The following COLEC10 variants were observed in gnomAD, a reference collection of about 807,000 sequenced individuals.
The protein encoded by COLEC10 is collectin subfamily member 10.
A neutral mutation model predicts 28.4 loss-of-function variants in COLEC10; 22 were observed. The ratio of observed to expected loss-of-function variants is 0.78; its 90% CI spans 0.55 to 1.11. The LOEUF is 1.11. Among genes scored for constraint, COLEC10 ranks in the 50% least tolerant of loss-of-function variants. COLEC10 has a pLI of 0.00. For synonymous variants in COLEC10, 125 were observed against 116.1 expected (o/e 1.08, Z -0.49); for missense variants, 361 against 344.1 (o/e 1.05, Z -0.39).
At chr8:119,002,970 A>G (rs76349957) in intron 1 of COLEC10, among the ~76,000 whole-genome samples, 4,525 of 152,222 alleles carry the variant, frequency 0.03, 125 homozygotes, top group East Asian at 0.16. Flanking sequence ...TTACGTAATC[A>G]TATTTAAGTT....
intron 2 of COLEC10, among the ~76,000 whole-genome samples, chr8:119,026,764 A>T (rs1814199591): frequency 6.6e-6 from 1 of 152,234 alleles, no homozygotes; most frequent in Admixed American, 6.5e-5. Flanking sequence ...AACATCCAAC[A>T]AAGCCAATCT....
intron 2 of COLEC10, among the ~76,000 whole-genome samples, chr8:119,021,044 T>A (rs370253124): frequency 6.6e-6 from 1 of 152,286 alleles, no homozygotes; most frequent in African/African-American, 2.4e-5. Flanking sequence ...CAGTTATTAT[T>A]CACTGACACA....
intron 1 of COLEC10, chr8:119,067,681 AG>A (rs11362361): frequency 0.39 from 148,465 of 381,332 alleles, 31,023 homozygotes; most frequent in Non-Finnish European, 0.43. Flanking sequence ...TACCCAGGGC[AG>A]GGGGAAATTC....
rs556399254 is a variant in COLEC10, at chr8:119,009,851, A to T, written n.235+298A>T. 1.8e-3 allele frequency among the ~76,000 whole-genome samples: 220 copies of T among 123,038 alleles called. 15 individuals are homozygous for T. The highest frequency in any genetic ancestry group is 7.1e-3 in the African/African-American group (207 of 29,324). 80.7% of individuals were successfully genotyped at this position (123,038 alleles called of 152,430 possible). A position where few individuals can be genotyped will look rare whatever the true frequency, so the allele number is the denominator to read the frequency against. ...TTGAAAGCTCAGCTCTTTTTTTTAA[A>T]AAAAAATAGACTTTATGTTTTAGAT... On this transcript the variant is annotated intron_variant and non_coding_transcript_variant, in intron 2 of 6. Transcript: ENST00000521788.
At chr8:119,074,649 TC>T (rs1279901483) in intron 1 of COLEC10, among the ~76,000 whole-genome samples, 2 of 152,202 alleles carry the variant, frequency 1.3e-5, no homozygotes, top group Non-Finnish European at 2.9e-5. Context: ...GAAAGACTGC[TC>T]CTTTCTCCTA....
intron 2 of COLEC10, among the ~76,000 whole-genome samples, chr8:119,050,474 A>G (rs1814656497): frequency 6.6e-6 from 1 of 152,244 alleles, no homozygotes; most frequent in African/African-American, 2.4e-5. Flanking sequence ...ATCACCAGAT[A>G]AAGACTATGA....
At chr8:119,002,983 T>C (rs1172268155) in intron 1 of COLEC10, among the ~76,000 whole-genome samples, 1 of 152,170 alleles carries the variant, frequency 6.6e-6, no homozygotes, top group Admixed American at 6.6e-5. Context: ...TTTAAGTTTT[T>C]TCTCCATTGG....
intron 2 of COLEC10, among the ~76,000 whole-genome samples, chr8:119,050,887 A>G (rs142071942): frequency 6.6e-6 from 1 of 152,302 alleles, no homozygotes; most frequent in Non-Finnish European, 1.5e-5. Context: ...TATTTAATTA[A>G]GCCAATTGAT....
intron 1 of COLEC10, among the ~76,000 whole-genome samples, chr8:119,008,424 C>A (rs1813845040): frequency 6.6e-6 from 1 of 150,580 alleles, no homozygotes; most frequent in Admixed American, 6.6e-5. Context: ...TACTATAGAG[C>A]CAGAGAAGGT....
At position 119,102,333 on chromosome 8, in the gene COLEC10, A is replaced by G; in HGVS notation, c.293-15A>G. The G allele has an allele frequency of 7.2e-7, 1 of 1,381,672 alleles. No individual in the cohort carries two copies. The highest frequency in any genetic ancestry group is 9.7e-7 in the Non-Finnish European group (1 of 1,031,420). The allele number at this position is 1,381,672 out of a possible 1,614,324, so 85.6% of individuals were successfully genotyped here. On this transcript the variant is annotated splice_polypyrimidine_tract_variant and intron_variant, in intron 3 of 5. Transcript: ENST00000332843. ...TTAATTTTATTTTATTTTGGTTGCT[A>G]TTGTTTTTTTTCAGGTGACAAAGGG...
At chr8:119,091,061 G>C (rs1031493873) in intron 2 of COLEC10, 88 bp from the exon 3 acceptor site, 3 of 982,526 alleles carry the variant, frequency 3.1e-6, no homozygotes, top group South Asian at 1.3e-5. Context: ...TATACTTGTT[G>C]GTATTTCTTT....
At chr8:119,053,307 T>C (rs1410075735) in intron 2 of COLEC10, among the ~76,000 whole-genome samples, 1 of 151,986 alleles carries the variant, frequency 6.6e-6, no homozygotes, top group Non-Finnish European at 1.5e-5. Flanking sequence ...GAATAGGAAA[T>C]AAGTCTTCAG....
intron 1 of COLEC10, among the ~76,000 whole-genome samples, chr8:119,070,578 C>CT (rs71296907): frequency 0.55 from 56,262 of 102,636 alleles, 16,745 homozygotes; most frequent in Middle Eastern, 0.61. Context: ...CCCCCCACCC[C>CT]TTCTCTCTCT....
At chr8:119,046,524 C>T (rs1370669012) in intron 2 of COLEC10, among the ~76,000 whole-genome samples, 1 of 152,106 alleles carries the variant, frequency 6.6e-6, no homozygotes, top group Admixed American at 6.6e-5. Flanking sequence ...AATTTATCAT[C>T]CAGATAAATA....
At chr8:119,034,964 G>A (rs1814360314) in intron 2 of COLEC10, among the ~76,000 whole-genome samples, 2 of 152,116 alleles carry the variant, frequency 1.3e-5, no homozygotes, top group South Asian at 4.1e-4. Context: ...CTAATCATAT[G>A]TCCAAAAATA....
the COLEC10 span, among the ~76,000 whole-genome samples, chr8:118,959,159 G>C: frequency 1.3e-5 from 2 of 152,162 alleles, no homozygotes; most frequent in African/African-American, 4.8e-5. Context: ...GTTCCAACAG[G>C]CAAGCACAGT....
At chr8:119,017,411 A>G (rs1587000187) in intron 2 of COLEC10, among the ~76,000 whole-genome samples, 1 of 152,288 alleles carries the variant, frequency 6.6e-6, no homozygotes, top group East Asian at 1.9e-4. Flanking sequence ...TTGCATTTTT[A>G]GAGAGCCAGA....
chr8:118,998,846 CAAAAAAAA>C (rs567463648), intron 1 of COLEC10, among the ~76,000 whole-genome samples: 2 of 76,632 alleles, frequency 2.6e-5, no homozygotes, highest in East Asian at 3.9e-4. Context: ...GACTCCGTCT[CAAAAAAAA>C]AAAAAAAAAA....
chr8:118,960,379 A>G, the COLEC10 span, among the ~76,000 whole-genome samples: 1 of 152,324 alleles, frequency 6.6e-6, no homozygotes, highest in East Asian at 1.9e-4. Context: ...TTTTGTACTT[A>G]TTCTCTTTAA....
Sources: gnomAD v4.1 joint callset for allele counts (sites outside exome capture counted in the v4.1 genomes callset) on GRCh38, gnomAD v4.1.1 for gene constraint, MANE v1.5 for transcripts, NCBI Gene and HGNC (gene_info 2026-07-23, HGNC 2026-07-21) for gene names.